SPINK1: variants seen among roughly 807,000 people sequenced by gnomAD.
The protein encoded by SPINK1 is serine peptidase inhibitor Kazal type 1, also known as serine protease inhibitor Kazal-type 1.
A neutral mutation model predicts 9.5 loss-of-function variants in SPINK1; 5 were observed. The observed-to-expected ratio is 0.52, with a 90% CI of 0.27 to 1.10. The LOEUF is 1.10. Ranked by LOEUF, SPINK1 falls within the 50% of genes least tolerant of loss-of-function variation. The probability of loss-of-function intolerance (pLI) is 0.11; values close to 1 mark genes in which losing one functional copy is unlikely to be tolerated. For missense variants in SPINK1, 88 were observed against 92.7 expected (o/e 0.95, Z 0.21); for synonymous variants, 37 against 32.3 (o/e 1.14, Z -0.49).
intron 2 of SPINK1, among the ~76,000 whole-genome samples, chr5:147,828,965 C>T (rs775492919): frequency 3.9e-5 from 6 of 151,966 alleles, no homozygotes; most frequent in Non-Finnish European, 7.4e-5. Flanking sequence ...TCTAACTAGG[C>T]TAAGTTCCTA....
chr5:147,833,840 C>G (rs77839917), upstream of SPINK1, among the ~76,000 whole-genome samples: 1,087 of 152,228 alleles, frequency 7.1e-3, 13 homozygotes, highest in African/African-American at 0.025. Context: ...TATGACTTGG[C>G]TCCTTTCTAT....
chr5:147,831,826 T>C (rs1756514587), upstream of SPINK1: 1 of 1,373,404 alleles, frequency 7.3e-7, no homozygotes, highest in African/African-American at 1.5e-5. Context: ...GCAAAGATTC[T>C]GTCAGGAAAA....
At chr5:147,826,244 G>A (rs540254211) in intron 3 of SPINK1, among the ~76,000 whole-genome samples, 116 of 152,166 alleles carry the variant, frequency 7.6e-4, no homozygotes, top group Non-Finnish European at 9.8e-4. Flanking sequence ...TAGGGTCAGC[G>A]TCTGGCTTTA....
chr5:147,832,017 C>G (rs980387884), upstream of SPINK1, among the ~76,000 whole-genome samples: 24 of 152,184 alleles, frequency 1.6e-4, no homozygotes, highest in African/African-American at 5.6e-4. Context: ...TAGGGTAAAA[C>G]CTCTCCATTC....
At chr5:147,833,616 T>C (rs1756546572), upstream of SPINK1, among the ~76,000 whole-genome samples, 1 of 152,174 alleles carries the variant, frequency 6.6e-6, no homozygotes, top group Non-Finnish European at 1.5e-5. Context: ...TGGACACTTC[T>C]CATTAGCTTC....
At chr5:147,828,974 TA>T (rs1377751655) in intron 2 of SPINK1, among the ~76,000 whole-genome samples, 1 of 152,108 alleles carries the variant, frequency 6.6e-6, no homozygotes, top group East Asian at 1.9e-4. Context: ...GCTAAGTTCC[TA>T]ACGGCAGCAG....
upstream of SPINK1, among the ~76,000 whole-genome samples, chr5:147,836,372 A>T (rs1756596272): frequency 6.6e-6 from 1 of 151,802 alleles, no homozygotes; most frequent in South Asian, 2.1e-4. Flanking sequence ...ATTAAACTCC[A>T]AGAAACCAGG....
intron 2 of SPINK1, 52 bp downstream of exon 2, chr5:147,829,547 T>C: frequency 6.3e-7 from 1 of 1,576,224 alleles, no homozygotes; most frequent in Non-Finnish European, 8.7e-7. Flanking sequence ...GCATTTTTGT[T>C]GGATCAAACT....
rs35006579 is a variant in SPINK1 at position 147,829,611 on chromosome 5, G to C, written c.75C>G (p.Ser25=). 2 of 1,612,628 alleles carry C rather than the reference G, an allele frequency of 1.2e-6. No individual in the cohort carries two copies. Among genetic ancestry groups the C allele is most frequent in the East Asian group, 4.5e-5 (2 of 44,802 alleles). Residue 25 remains serine, a synonymous_variant, in exon 2 of 4, where the codon TCC becomes TCG. Coordinates refer to ENST00000296695, the MANE Select transcript of SPINK1 (RefSeq NM_001379610.1). The stretch of plus-strand genomic sequence containing the variant: ...AATATCTCTTTACCTCTCTTCCCAG[G>C]GAGTCAGCTCCAGTGTTACCTAGAA... ...LSLSGNTGAD[S]LGREAKCYNE...
chr5:147,827,943 T>G, intron 3 of SPINK1, 79 bp downstream of exon 3: 1 of 1,094,338 alleles, frequency 9.1e-7, no homozygotes, highest in Admixed American at 2.1e-5. Flanking sequence ...TTTCTCGGGG[T>G]GAGATTCATA....
rs565948524 is a variant in SPINK1, at chr5:147,825,121, G to A, written c.195-415C>T. Among the ~76,000 whole-genome samples the A allele has an allele frequency of 7.9e-5, 12 of 152,186 alleles. No homozygotes were observed. In the South Asian group the frequency reaches 1.0e-3, roughly 13 times the overall value. ...ATTGACCTTTCATCTTAGAGCTCTGGGGATTCGTATCTGTGAGGTCTCACA... is the reference window on the plus strand; with the variant it reads ...ATTGACCTTTCATCTTAGAGCTCTGAGGATTCGTATCTGTGAGGTCTCACA... On this transcript the variant is annotated intron_variant, in intron 3 of 3. Coordinates refer to ENST00000296695, the MANE Select transcript of SPINK1 (RefSeq NM_001379610.1).
At position 147,831,660 on chromosome 5, in the gene SPINK1, C is replaced by A; in HGVS notation, c.-83G>T. The A allele has an allele frequency of 6.3e-7, 1 of 1,589,190 alleles. No individual in the cohort carries two copies. The highest frequency in any genetic ancestry group is 1.1e-5 in the South Asian group (1 of 88,324). On this transcript the variant is annotated 5_prime_UTR_variant, in exon 1 of 4. The change abolishes an upstream ATG in the 5' untranslated region. Transcript: ENST00000296695. ...TTCAGAAGCCTGGGACTGGAAGGGTCATATGGCAGATGGCAGCAAGGCCCC... is the reference window on the plus strand; with the variant it reads ...TTCAGAAGCCTGGGACTGGAAGGGTAATATGGCAGATGGCAGCAAGGCCCC...
chr5:147,834,985 A>G (rs184242707), upstream of SPINK1, among the ~76,000 whole-genome samples: 1 of 152,200 alleles, frequency 6.6e-6, no homozygotes, highest in Admixed American at 6.5e-5. Context: ...AAAACATTTC[A>G]CTACAGAAAC....
chr5:147,825,003 C>T (rs1756374944), intron 3 of SPINK1, among the ~76,000 whole-genome samples: 1 of 152,148 alleles, frequency 6.6e-6, no homozygotes. Context: ...AAACTCAAAA[C>T]TATTGTTGCA....
At chr5:147,834,303 C>A (rs537154443), upstream of SPINK1, among the ~76,000 whole-genome samples, 1 of 152,290 alleles carries the variant, frequency 6.6e-6, no homozygotes, top group African/African-American at 2.4e-5. Flanking sequence ...TTGTTCACTT[C>A]TGTGTCTCCG....
chr5:147,831,842 C>A (rs1036729519), upstream of SPINK1: 1 of 1,337,880 alleles, frequency 7.5e-7, no homozygotes, highest in Admixed American at 3.1e-5. Flanking sequence ...GAAAATAGTT[C>A]TAGTGGTTAG....
rs1043821728 is a variant in SPINK1 at position 147,829,477 on chromosome 5, C to G, written c.87+122G>C. 1.6e-5 allele frequency: 14 copies of G among 887,372 alleles called. No individual in the cohort carries two copies. In the African/African-American group the frequency reaches 2.0e-4, roughly 13 times the overall value. The allele number at this position is 887,372 out of a possible 1,614,324, so 55.0% of individuals were successfully genotyped here. ...TACCATTTGCATTTCTCACGTTAAC[C>G]CTCCCTAGCATTCATACTCCTCTTA... is the stretch of plus-strand genomic sequence containing the variant. On this transcript the variant is annotated intron_variant, in intron 2 of 3. Coordinates refer to ENST00000296695, the MANE Select transcript of SPINK1 (RefSeq NM_001379610.1).
At chr5:147,836,412 G>A (rs187396816), upstream of SPINK1, among the ~76,000 whole-genome samples, 97 of 152,020 alleles carry the variant, frequency 6.4e-4, no homozygotes, top group East Asian at 0.016. Flanking sequence ...CACAAAGAAA[G>A]GGTTGCCCCC....
chr5:147,838,097 C>T, the SPINK1 span, among the ~76,000 whole-genome samples: 1 of 152,170 alleles, frequency 6.6e-6, no homozygotes, highest in East Asian at 1.9e-4. Flanking sequence ...CAGCTCTTTT[C>T]ACTGATAGAC....
Sources: gnomAD v4.1 joint callset for allele counts (sites outside exome capture counted in the v4.1 genomes callset) on GRCh38, gnomAD v4.1.1 for gene constraint, MANE v1.5 for transcripts, NCBI Gene and HGNC (gene_info 2026-07-23, HGNC 2026-07-21) for gene names.